Variants in SIPA1L2 observed in about 807,000 individuals in gnomAD.
The protein encoded by SIPA1L2 is signal induced proliferation associated 1 like 2.
SIPA1L2 carries 56 observed loss-of-function variants against 163.9 expected under a neutral mutation model. The ratio of observed to expected loss-of-function variants is 0.34; its 90% CI spans 0.28 to 0.43. SIPA1L2 has a LOEUF of 0.43. SIPA1L2 is among the 20% of genes least tolerant of loss of function. The pLI is 1.00. For missense variants in SIPA1L2, 1,974 were observed against 2,193.5 expected, an observed-to-expected ratio of 0.90 and a Z score of 2.00; for synonymous variants, 877 against 865.7, an observed-to-expected ratio of 1.01 and a Z score of -0.23.
At position 232,445,621 on chromosome 1, in the gene SIPA1L2, G is replaced by A. The variant is rs778123684; in HGVS notation, c.3261C>T (p.Pro1087=). ...LSRASPIPGT[P]DRLPCQQLLQ... ...GCAGCTGTTGGCACGGCAGCCGGTC[G>A]GGCGTGCCGGGGATGGGGGAAGCTC... Residue 1087 remains proline (P), a synonymous_variant, in exon 11 of 23, where the codon CCC becomes CCT. Transcript: ENST00000674635. 6.8e-6 allele frequency: 11 copies of A among 1,613,830 alleles called. No individual in the cohort carries two copies. The Admixed American group carries it at 1.2e-4, about 17-fold the overall frequency.
At chr1:232,605,730 A>T (rs1661880450) in intron 1 of SIPA1L2, among the ~76,000 whole-genome samples, 1 of 152,114 alleles carries the variant, frequency 6.6e-6, no homozygotes. Context: ...AAAAAACAAA[A>T]AAATAAGGTA....
intron 2 of SIPA1L2, among the ~76,000 whole-genome samples, chr1:232,562,112 G>A (rs905430506): frequency 2.2e-4 from 33 of 152,302 alleles, no homozygotes; most frequent in Middle Eastern, 3.4e-3. Context: ...GTACTGATGA[G>A]GAGAAATGGG....
At chr1:232,616,927 G>T (rs1426511746) in intron 1 of SIPA1L2, among the ~76,000 whole-genome samples, 4 of 152,162 alleles carry the variant, frequency 2.6e-5, no homozygotes, top group African/African-American at 9.7e-5. Flanking sequence ...TTTTCATTTT[G>T]CCAGCCAGTT....
intron 1 of SIPA1L2, among the ~76,000 whole-genome samples, chr1:232,603,038 G>A (rs559426207): frequency 2.6e-5 from 4 of 152,124 alleles, no homozygotes; most frequent in Non-Finnish European, 5.9e-5. Flanking sequence ...AGACAGATTC[G>A]AAGGCATTTC....
At chr1:232,528,103 A>ATATATATATATATATATATATATCG (rs1558246735) in intron 2 of SIPA1L2, among the ~76,000 whole-genome samples, 8 of 51,742 alleles carry the variant, frequency 1.5e-4, no homozygotes, top group African/African-American at 6.2e-4. Flanking sequence ...TATATATATA[A>ATATATATATATATATATATATATCG]TCAACTTTCT....
chr1:232,557,561 A>G (rs528639963), intron 2 of SIPA1L2, among the ~76,000 whole-genome samples: 54 of 152,340 alleles, frequency 3.5e-4, no homozygotes, highest in African/African-American at 1.3e-3. Context: ...AACTCCAGGT[A>G]CTTTGAAAAT....
At chr1:232,603,603 G>A (rs927156104) in intron 1 of SIPA1L2, among the ~76,000 whole-genome samples, 12 of 152,146 alleles carry the variant, frequency 7.9e-5, no homozygotes, top group African/African-American at 2.9e-4. Context: ...GGGAAGGCCA[G>A]ATGACGAAAG....
intron 7 of SIPA1L2, among the ~76,000 whole-genome samples, chr1:232,478,904 T>C (rs759021651): frequency 1.3e-5 from 2 of 152,224 alleles, no homozygotes; most frequent in African/African-American, 2.4e-5. Flanking sequence ...ATAGATCGTC[T>C]ATCCCAAACG....
chr1:232,428,397 C>T lies in SIPA1L2; in HGVS notation c.4410+14G>A. On this transcript the variant is annotated intron_variant, in intron 17 of 22. Coordinates refer to ENST00000674635, the MANE Select transcript of SIPA1L2 (RefSeq NM_020808.5). ...AGTGTTTCTGGTAACTTCAAAGCTC[C>T]CTAAGTCACTAACCTTTCTTCGCCC... 3.4e-6 allele frequency: 5 copies of T among 1,465,520 alleles called. No individual in the cohort carries two copies. The highest frequency in any genetic ancestry group is 4.5e-6 in the Non-Finnish European group (5 of 1,107,986). 90.8% of individuals were successfully genotyped at this position (1,465,520 alleles called of 1,614,324 possible). A position where few individuals can be genotyped will look rare whatever the true frequency, so the allele number is the denominator to read the frequency against.
chr1:232,573,397 C>A (rs962742535), intron 2 of SIPA1L2, among the ~76,000 whole-genome samples: 1 of 152,166 alleles, frequency 6.6e-6, no homozygotes, highest in Non-Finnish European at 1.5e-5. Context: ...GGTAAAAGGT[C>A]ATGAAGTTTG....
intron 2 of SIPA1L2, among the ~76,000 whole-genome samples, chr1:232,547,354 G>A (rs534102629): frequency 1.3e-5 from 2 of 151,576 alleles, no homozygotes; most frequent in Admixed American, 1.3e-4. Flanking sequence ...ATATGGGAAC[G>A]CAACCCTCAC....
At position 232,432,276 on chromosome 1, in the gene SIPA1L2, G is replaced by A. The variant is rs771237695; in HGVS notation, c.4227C>T (p.Pro1409=). 149 of 1,613,884 alleles carry A rather than the reference G, an allele frequency of 9.2e-5. No homozygotes were observed. In the Middle Eastern group the frequency reaches 9.9e-4, roughly 11 times the overall value. The stretch of plus-strand genomic sequence containing the variant: ...GACATTCAGTCACTTCAGGCTCCTC[G>A]GGCGGTGGGCTGCCCTCCGATTTCT... The part of the protein sequence containing the change: ...GWKKSEGSPP[P]EEPEVTECPG... Residue 1409 remains proline (P), a synonymous_variant, in exon 16 of 23, where the codon CCC becomes CCT. Coordinates refer to ENST00000674635, the MANE Select transcript of SIPA1L2 (RefSeq NM_020808.5).
intron 10 of SIPA1L2, among the ~76,000 whole-genome samples, chr1:232,459,881 T>A (rs973211593): frequency 6.6e-6 from 1 of 152,206 alleles, no homozygotes; most frequent in African/African-American, 2.4e-5. Flanking sequence ...GTGCTTTACA[T>A]GTGTTACTTT....
intron 3 of SIPA1L2, 118 bp downstream of exon 3, chr1:232,513,739 A>G (rs1573009412): frequency 2.8e-6 from 3 of 1,071,658 alleles, no homozygotes; most frequent in East Asian, 4.8e-5. Context: ...GGTCAGGCCC[A>G]GTGGACTATG....
chr1:232,428,479 G>C lies in SIPA1L2; in HGVS notation c.4342C>G (p.Leu1448Val). The C allele has an allele frequency of 1.3e-6, 2 of 1,598,770 alleles. No homozygotes were observed. Among genetic ancestry groups the C allele is most frequent in the Non-Finnish European group, 1.7e-6 (2 of 1,173,896 alleles). Reference sequence around the variant, plus strand: ...AATTTCAGAAAATCTTCTTTAGACAGAACATGTTGAGTCTCTGCAACAGCA... The same window carrying C: ...AATTTCAGAAAATCTTCTTTAGACACAACATGTTGAGTCTCTGCAACAGCA... Reference protein sequence around the residue: ...GDAVAETQHVLSKEDFLKLML... With the variant: ...GDAVAETQHVVSKEDFLKLML... The change falls in exon 17 of 23, where the codon CTG (leucine) becomes GTG (valine). Residue 1448 changes from leucine to valine, a missense_variant. Coordinates refer to ENST00000674635, the MANE Select transcript of SIPA1L2 (RefSeq NM_020808.5).
intron 12 of SIPA1L2, 54 bp from the exon 13 acceptor site, chr1:232,441,922 C>T: frequency 6.8e-7 from 1 of 1,479,610 alleles, no homozygotes; most frequent in Non-Finnish European, 9.3e-7. Flanking sequence ...CACCTGCCAG[C>T]ATGCACACGG....
intron 7 of SIPA1L2, among the ~76,000 whole-genome samples, chr1:232,473,835 T>C (rs1664911512): frequency 6.6e-6 from 1 of 152,112 alleles, no homozygotes; most frequent in Non-Finnish European, 1.5e-5. Flanking sequence ...CTAAAGCTCT[T>C]TGAAGGAGAA....
At chr1:232,568,174 G>A (rs779775343) in intron 2 of SIPA1L2, among the ~76,000 whole-genome samples, 2 of 152,186 alleles carry the variant, frequency 1.3e-5, no homozygotes, top group Non-Finnish European at 2.9e-5. Flanking sequence ...CAACGAGGGC[G>A]TTGTGGAAAC....
chr1:232,527,730 T>C (rs1052686354), intron 2 of SIPA1L2, among the ~76,000 whole-genome samples: 23 of 131,156 alleles, frequency 1.8e-4, no homozygotes, highest in African/African-American at 5.8e-4. Context: ...TTCTTCTTTT[T>C]TTTTTTTTTT....
Sources: allele counts gnomAD v4.1 joint callset (sites outside exome capture counted in the v4.1 genomes callset), GRCh38; gene constraint gnomAD v4.1.1; transcripts MANE v1.5; gene names NCBI Gene and HGNC (gene_info 2026-07-23, HGNC 2026-07-21).